PAPSS1: variants seen among roughly 807,000 people sequenced by gnomAD.
PAPSS1 encodes bifunctional 3'-phosphoadenosine 5'-phosphosulfate synthase 1.
Under a neutral mutation model 72.0 loss-of-function variants are expected in PAPSS1, and 50 were observed. The ratio of observed to expected loss-of-function variants is 0.69; its 90% CI spans 0.55 to 0.88. The LOEUF is 0.88. Ranked by LOEUF, PAPSS1 falls within the 40% of genes least tolerant of loss-of-function variation. PAPSS1 has a pLI of 0.00. For synonymous variants in PAPSS1, 261 were observed against 263.6 expected (o/e 0.99, Z 0.09); for missense variants, 657 against 782.2 (o/e 0.84, Z 1.91).
intron 5 of PAPSS1, among the ~76,000 whole-genome samples, chr4:107,661,025 C>G (rs1032101714): frequency 4.0e-5 from 6 of 151,882 alleles, no homozygotes; most frequent in Non-Finnish European, 8.8e-5. Context: ...GAAAATGAAC[C>G]CAATTTTAAA....
intron 5 of PAPSS1, among the ~76,000 whole-genome samples, chr4:107,666,222 A>G (rs1200106325): frequency 6.6e-6 from 1 of 152,180 alleles, no homozygotes; most frequent in Non-Finnish European, 1.5e-5. Context: ...GCACTAGTAA[A>G]TCTAGAGTTC....
At chr4:107,650,313 T>C (rs1298248768) in intron 9 of PAPSS1, among the ~76,000 whole-genome samples, 1 of 152,234 alleles carries the variant, frequency 6.6e-6, no homozygotes, top group Non-Finnish European at 1.5e-5. Context: ...TTTTTGTTGT[T>C]TGATGTAAGG....
At chr4:107,702,490 A>C (rs1306608510) in intron 1 of PAPSS1, among the ~76,000 whole-genome samples, 2 of 152,072 alleles carry the variant, frequency 1.3e-5, no homozygotes, top group Non-Finnish European at 2.9e-5. Flanking sequence ...CATCTCCTCC[A>C]ACCATCCTCC....
rs769285397 is a variant in PAPSS1 at position 107,720,165 on chromosome 4, C to G, written c.15G>C (p.Gly5=). The change falls in exon 1 of 12, where the codon GGG becomes GGC. Residue 5 remains glycine, a synonymous_variant. Transcript: ENST00000265174. ...TCAGTTTGACTTTCTTGCACAGGCT[C>G]CCGGGGATCTCCATGACCGCGGAGC... MEIP[G]SLCKKVKLSN... 6.2e-7 allele frequency: 1 copy of G among 1,604,362 alleles called. No individual in the cohort carries two copies. Among genetic ancestry groups the G allele is most frequent in the South Asian group, 1.1e-5 (1 of 89,766 alleles).
chr4:107,651,583 A>G (rs1045320402), intron 9 of PAPSS1, among the ~76,000 whole-genome samples: 5 of 152,186 alleles, frequency 3.3e-5, no homozygotes, highest in Admixed American at 6.5e-5. Context: ...CCTTCTTCAC[A>G]TGGTGGCAGG....
intron 11 of PAPSS1, among the ~76,000 whole-genome samples, chr4:107,620,761 C>T (rs778048017): frequency 7.9e-5 from 12 of 152,076 alleles, no homozygotes; most frequent in African/African-American, 1.4e-4. Context: ...AGAAACCCTG[C>T]TAATGGGTAT....
chr4:107,686,517 G>A (rs1722791040), intron 4 of PAPSS1, among the ~76,000 whole-genome samples: 1 of 152,336 alleles, frequency 6.6e-6, no homozygotes, highest in Middle Eastern at 3.4e-3. Context: ...ATGCACAGAT[G>A]TGGAGGGTCA....
chr4:107,614,198 C>A lies in PAPSS1; in HGVS notation c.*51G>T. On this transcript the variant is annotated 3_prime_UTR_variant, in exon 12 of 12. Coordinates refer to ENST00000265174, the MANE Select transcript of PAPSS1 (RefSeq NM_005443.5). ...GAAATGCCAACAGAGACTATGTGGT[C>A]CCCTCTTGTTACTAGTAATGTGTCA... 6.4e-7 allele frequency: 1 copy of A among 1,558,444 alleles called. No homozygotes were observed. The highest frequency in any genetic ancestry group is 8.8e-7 in the Non-Finnish European group (1 of 1,139,346).
intron 3 of PAPSS1, among the ~76,000 whole-genome samples, chr4:107,690,701 T>C (rs1379070121): frequency 6.6e-6 from 1 of 152,220 alleles, no homozygotes; most frequent in African/African-American, 2.4e-5. Flanking sequence ...ATTGCATGTT[T>C]CAATCCAAAT....
chr4:107,631,519 C>T, intron 11 of PAPSS1, 112 bp downstream of exon 11: 1 of 687,628 alleles, frequency 1.5e-6, no homozygotes, highest in Non-Finnish European at 2.4e-6. Context: ...CTTTCTCTGA[C>T]ATGAGTACCA....
intron 5 of PAPSS1, among the ~76,000 whole-genome samples, chr4:107,678,614 A>T (rs1446799283): frequency 6.6e-6 from 1 of 152,180 alleles, no homozygotes; most frequent in East Asian, 1.9e-4. Context: ...AAATGTCTTT[A>T]AAACTTTTAA....
intron 4 of PAPSS1, among the ~76,000 whole-genome samples, chr4:107,682,910 A>G (rs1722672325): frequency 6.6e-6 from 1 of 152,238 alleles, no homozygotes; most frequent in South Asian, 2.1e-4. Flanking sequence ...GATAGTAAAT[A>G]GATCACAAAA....
At chr4:107,680,434 A>T (rs1727776390) in intron 5 of PAPSS1, among the ~76,000 whole-genome samples, 1 of 152,242 alleles carries the variant, frequency 6.6e-6, no homozygotes, top group Admixed American at 6.5e-5. Flanking sequence ...AAGAAAAAAC[A>T]ATCTGTCATG....
Position 107,616,131 on chromosome 4 carries a change from G to A in PAPSS1, c.1737-1744C>T, listed in dbSNP as rs377093050. ...GTGCACATAAAGAAATATGCCCTAT[G>A]TAGTCATTGTTGGGGTTAAAAAAAA... On this transcript the variant is annotated intron_variant, in intron 11 of 11. Transcript: ENST00000265174. Among the ~76,000 whole-genome samples the A allele has an allele frequency of 4.6e-5, 7 of 151,896 alleles. No homozygotes were observed. In the East Asian group the frequency reaches 1.4e-3, roughly 29 times the overall value.
At chr4:107,697,809 T>C (rs1025299083) in intron 2 of PAPSS1, among the ~76,000 whole-genome samples, 6 of 152,110 alleles carry the variant, frequency 3.9e-5, no homozygotes, top group Non-Finnish European at 8.8e-5. Flanking sequence ...GAAGGTGACC[T>C]TATCTGGAAA....
chr4:107,649,612 A>G (rs1578397863), intron 9 of PAPSS1, among the ~76,000 whole-genome samples: 1 of 152,140 alleles, frequency 6.6e-6, no homozygotes, highest in Non-Finnish European at 1.5e-5. Context: ...GAGATCCACT[A>G]TCCACTTCAG....
chr4:107,702,984 TTTC>T (rs1291711701), intron 1 of PAPSS1, among the ~76,000 whole-genome samples: 4 of 152,172 alleles, frequency 2.6e-5, no homozygotes, highest in African/African-American at 9.7e-5. Flanking sequence ...ACACTAGGAT[TTTC>T]TTTTCTCACA....
At chr4:107,662,568 A>C (rs993075096) in intron 5 of PAPSS1, among the ~76,000 whole-genome samples, 2 of 151,994 alleles carry the variant, frequency 1.3e-5, no homozygotes, top group African/African-American at 4.8e-5. Flanking sequence ...TACATAGTTT[A>C]TACATAATAC....
intron 11 of PAPSS1, among the ~76,000 whole-genome samples, chr4:107,629,957 C>T (rs182104632): frequency 5.8e-4 from 88 of 152,296 alleles, no homozygotes; most frequent in Non-Finnish European, 1.0e-3. Flanking sequence ...TTCAATGGGA[C>T]ATTATTAGGC....
Sources: allele counts gnomAD v4.1 joint callset (sites outside exome capture counted in the v4.1 genomes callset), GRCh38; gene constraint gnomAD v4.1.1; transcripts MANE v1.5; gene names NCBI Gene and HGNC (gene_info 2026-07-23, HGNC 2026-07-21).